CEP128: variants seen among roughly 807,000 people sequenced by gnomAD.
The protein encoded by CEP128 is centrosomal protein 128, also known as centrosomal protein 128kDa.
A neutral mutation model predicts 156.7 loss-of-function variants in CEP128; 132 were observed. That is an observed-to-expected ratio of 0.84 (90% CI 0.73 to 0.97). The LOEUF (loss-of-function observed/expected upper bound fraction) is 0.97, where lower values mean the gene tolerates loss of function less well. Ranked by LOEUF, CEP128 falls within the 50% of genes least tolerant of loss-of-function variation. The pLI, the probability that CEP128 is intolerant of heterozygous loss-of-function variation, is 0.00. For synonymous variants in CEP128, 469 were observed against 448.9 expected, an observed-to-expected ratio of 1.04 and a Z score of -0.57; for missense variants, 1,252 against 1,281.9, an observed-to-expected ratio of 0.98 and a Z score of 0.36.
chr14:80,588,018 T>C (rs1228703789), intron 19 of CEP128, among the ~76,000 whole-genome samples: 1 of 152,134 alleles, frequency 6.6e-6, no homozygotes, highest in Non-Finnish European at 1.5e-5. Flanking sequence ...TTTGACTTAC[T>C]CTTTGATCAC....
rs1886033606 is a variant in CEP128 at position 80,939,559 on chromosome 14, AG to A, written c.-171-20del. 1 of 152,236 alleles carries A rather than the reference AG, an allele frequency of 6.6e-6. No homozygotes were observed. The highest frequency in any genetic ancestry group is 1.5e-5 in the Non-Finnish European group (1 of 68,036). The allele number at this position is 152,236 out of a possible 1,614,324, so 9.4% of individuals were successfully genotyped here. On this transcript the variant is annotated intron_variant, in intron 1 of 24. Transcript: ENST00000555265. ...AAACCACCTACAAATAAACAAAACA[AG>A]GGGGTAAGACATACCTACAACTTTA... is the stretch of plus-strand genomic sequence containing the variant.
intron 12 of CEP128, among the ~76,000 whole-genome samples, chr14:80,833,576 A>G (rs1885923556): frequency 1.3e-5 from 2 of 152,038 alleles, no homozygotes; most frequent in Non-Finnish European, 1.5e-5. Context: ...AAAAAAAAAA[A>G]TTGGAGTCTG....
At chr14:80,928,799 A>T (rs1260060664) in intron 2 of CEP128, among the ~76,000 whole-genome samples, 3 of 152,146 alleles carry the variant, frequency 2.0e-5, no homozygotes, top group Non-Finnish European at 4.4e-5. Context: ...AACCTAGGAA[A>T]AACTCTTCTG....
At chr14:80,647,766 C>T (rs1414064606) in intron 19 of CEP128, among the ~76,000 whole-genome samples, 1 of 152,014 alleles carries the variant, frequency 6.6e-6, no homozygotes, top group Non-Finnish European at 1.5e-5. Flanking sequence ...CTCAAAATAT[C>T]AATGGTGCTG....
intron 12 of CEP128, among the ~76,000 whole-genome samples, chr14:80,831,972 C>T (rs1043072928): frequency 2.0e-5 from 3 of 152,160 alleles, no homozygotes; most frequent in African/African-American, 7.2e-5. Context: ...CCGTAATTCC[C>T]ACATGTTGTG....
At chr14:80,774,703 T>A (rs1719657059) in intron 16 of CEP128, among the ~76,000 whole-genome samples, 1 of 152,158 alleles carries the variant, frequency 6.6e-6, no homozygotes, top group Non-Finnish European at 1.5e-5. Flanking sequence ...ACCTACTATG[T>A]GTCAGGCTCT....
intron 17 of CEP128, among the ~76,000 whole-genome samples, chr14:80,760,802 T>C (rs1899924922): frequency 6.6e-6 from 1 of 152,170 alleles, no homozygotes; most frequent in Non-Finnish European, 1.5e-5. Flanking sequence ...TGTGTAGCAG[T>C]ATTCCATTTG....
At chr14:80,596,055 A>G (rs1184145115) in intron 19 of CEP128, among the ~76,000 whole-genome samples, 14 of 45,698 alleles carry the variant, frequency 3.1e-4, no homozygotes, top group South Asian at 1.4e-3. Context: ...TCAGCAGGGA[A>G]AAAAAAAAAA....
At chr14:80,889,074 G>A (rs879824866) in intron 8 of CEP128, among the ~76,000 whole-genome samples, 4 of 151,726 alleles carry the variant, frequency 2.6e-5, no homozygotes, top group Admixed American at 2.6e-4. Flanking sequence ...AACTTATAAG[G>A]GACATGAAGA....
intron 19 of CEP128, among the ~76,000 whole-genome samples, chr14:80,687,344 G>C (rs952068117): frequency 2.0e-5 from 3 of 152,062 alleles, no homozygotes; most frequent in Admixed American, 6.6e-5. Context: ...CCTATCAATA[G>C]TGGACTGGAT....
intron 19 of CEP128, among the ~76,000 whole-genome samples, chr14:80,740,990 T>G (rs1185972341): frequency 2.0e-5 from 3 of 152,088 alleles, no homozygotes; most frequent in Non-Finnish European, 4.4e-5. Context: ...ACTAAGTAAA[T>G]CAAATTTCAT....
intron 2 of CEP128, among the ~76,000 whole-genome samples, chr14:80,933,783 A>G (rs1199099263): frequency 1.3e-5 from 2 of 152,228 alleles, no homozygotes; most frequent in Non-Finnish European, 2.9e-5. Flanking sequence ...AAGCAGTCTC[A>G]GTAAAATGCT....
chr14:80,941,656 T>A lies in CEP128; in HGVS notation c.-247A>T, dbSNP rs1351207117. On this transcript the variant is annotated 5_prime_UTR_variant, in exon 1 of 25. Coordinates refer to ENST00000555265, the MANE Select transcript of CEP128 (RefSeq NM_152446.5). ...CCCACCCGGCTCCCGCGGCTACCAG[T>A]GACCCAGAAGGTGCAACTGACCAAA... The A allele has an allele frequency of 1.3e-5, 2 of 152,838 alleles. No individual in the cohort carries two copies. Among genetic ancestry groups the A allele is most frequent in the East Asian group, 3.9e-4 (2 of 5,148 alleles). 9.5% of individuals were successfully genotyped at this position (152,838 alleles called of 1,614,324 possible). A position where few individuals can be genotyped will look rare whatever the true frequency, so the allele number is the denominator to read the frequency against.
chr14:80,656,279 T>TTTTATA (rs1895140436), intron 19 of CEP128, among the ~76,000 whole-genome samples: 1 of 47,126 alleles, frequency 2.1e-5, no homozygotes, highest in African/African-American at 8.0e-5. Context: ...AAGTTTTTAT[T>TTTTATA]TATATATATA....
rs566436967 is a variant in CEP128 at position 80,850,546 on chromosome 14, A to T, written c.763-9778T>A. Among the ~76,000 whole-genome samples the T allele has an allele frequency of 4.6e-5, 7 of 152,338 alleles. No individual in the cohort carries two copies. In the South Asian group the frequency reaches 1.5e-3, roughly 32 times the overall value. ...TGCCCTCACAAACATTCAGAAAAAC[A>T]CGAAGAAAAGGAATTGTATCTACAA... On this transcript the variant is annotated intron_variant, in intron 9 of 24. Transcript: ENST00000555265.
intron 8 of CEP128, among the ~76,000 whole-genome samples, chr14:80,884,975 T>C (rs1216772221): frequency 6.6e-6 from 1 of 152,168 alleles, no homozygotes; most frequent in East Asian, 1.9e-4. Flanking sequence ...GCATCGCCAT[T>C]ACTGAGGCTA....
At chr14:80,567,223 G>A (rs1890951286) in intron 20 of CEP128, among the ~76,000 whole-genome samples, 1 of 152,146 alleles carries the variant, frequency 6.6e-6, no homozygotes, top group Admixed American at 6.5e-5. Flanking sequence ...GTTTTATTAT[G>A]AGGAGATTAT....
At chr14:80,597,161 C>T (rs964986967) in intron 19 of CEP128, among the ~76,000 whole-genome samples, 1 of 151,846 alleles carries the variant, frequency 6.6e-6, no homozygotes, top group Non-Finnish European at 1.5e-5. Flanking sequence ...ATAAAATTGA[C>T]AAACCTTTAC....
chr14:80,708,063 C>T (rs1897283634), intron 19 of CEP128, among the ~76,000 whole-genome samples: 1 of 152,086 alleles, frequency 6.6e-6, no homozygotes. Context: ...ATTTGCATTC[C>T]TTTTCATTGC....
Sources: gnomAD v4.1 joint callset for allele counts (sites outside exome capture counted in the v4.1 genomes callset) on GRCh38, gnomAD v4.1.1 for gene constraint, MANE v1.5 for transcripts, NCBI Gene and HGNC (gene_info 2026-07-23, HGNC 2026-07-21) for gene names.